The following NCK2 variants were observed in gnomAD, a reference collection of about 807,000 sequenced individuals.
The protein encoded by NCK2 is NCK adaptor protein 2.
NCK2 carries 16 observed loss-of-function variants against 33.9 expected under a neutral mutation model. The observed-to-expected ratio is 0.47, with a 90% CI of 0.32 to 0.72. NCK2 has a LOEUF of 0.72. Among genes scored for constraint, NCK2 ranks in the 30% least tolerant of loss-of-function variants. The pLI, the probability that NCK2 is intolerant of heterozygous loss-of-function variation, is 0.03. For synonymous variants in NCK2, 273 were observed against 239.9 expected (o/e 1.14, Z -1.27); for missense variants, 418 against 537.3 (o/e 0.78, Z 2.19).
At chr2:105,802,729 A>T (rs894058688) in intron 1 of NCK2, among the ~76,000 whole-genome samples, 10 of 152,212 alleles carry the variant, frequency 6.6e-5, no homozygotes, top group Admixed American at 5.9e-4. Flanking sequence ...CCCACCTCCA[A>T]CACTGGGGAT....
chr2:105,810,930 C>T (rs1314829403), intron 1 of NCK2, among the ~76,000 whole-genome samples: 1 of 152,108 alleles, frequency 6.6e-6, no homozygotes, highest in Non-Finnish European at 1.5e-5. Context: ...AATCTCAGCA[C>T]TTTGGGAGGC....
chr2:105,854,365 T>C (rs1677177661), intron 2 of NCK2: 2 of 152,342 alleles, frequency 1.3e-5, no homozygotes, highest in South Asian at 4.1e-4. Flanking sequence ...TGGGGAATAA[T>C]TTTATATTTA....
In NCK2 at chr2:105,870,863, A is replaced by G. The variant is rs138187761; in HGVS notation, c.227-10465A>G. On this transcript the variant is annotated intron_variant, in intron 3 of 4. Coordinates refer to ENST00000233154, the MANE Select transcript of NCK2 (RefSeq NM_003581.5). ...CACAGAGCCACCAGACACAGCCAGT[A>G]ACAGCGGTGCTTTCACCCTAGGAGC... Among the ~76,000 whole-genome samples the G allele has an allele frequency of 4.2e-3, 646 of 152,304 alleles. 2 individuals carry two copies. Among genetic ancestry groups the G allele is most frequent in the African/African-American group, 0.014 (587 of 41,560 alleles).
chr2:105,878,912 C>T (rs1193501416), intron 3 of NCK2, among the ~76,000 whole-genome samples: 1 of 152,208 alleles, frequency 6.6e-6, no homozygotes, highest in East Asian at 1.9e-4. Flanking sequence ...TCATTTCACC[C>T]CTCACCAAAG....
rs537880842 is a variant in NCK2 at position 105,786,370 on chromosome 2, GA to G, written c.-200-30059del. Among the ~76,000 whole-genome samples, 684 of 152,366 alleles carry G rather than the reference GA, an allele frequency of 4.5e-3. 11 individuals carry two copies. Among genetic ancestry groups the G allele is most frequent in the Non-Finnish European group, 2.3e-3 (155 of 68,040 alleles). On this transcript the variant is annotated intron_variant, in intron 1 of 4. Transcript: ENST00000233154. ...GGGAACGGCCAGTGGGCAGGCTGGG[GA>G]CAGGATGGGAGTTCGGGAAGGCTGG...
intron 2 of NCK2, among the ~76,000 whole-genome samples, chr2:105,832,631 C>T (rs550026006): frequency 4.1e-4 from 62 of 150,600 alleles, no homozygotes; most frequent in African/African-American, 1.4e-3. Context: ...CACATCCTTG[C>T]ATTTCTGGAA....
At chr2:105,871,425 G>A (rs1028169295) in intron 3 of NCK2, among the ~76,000 whole-genome samples, 2 of 152,102 alleles carry the variant, frequency 1.3e-5, no homozygotes, top group Non-Finnish European at 2.9e-5. Flanking sequence ...GTTTCCTCAT[G>A]GGCTGTGTTG....
chr2:105,874,456 A>G (rs1009872683), intron 3 of NCK2, among the ~76,000 whole-genome samples: 3 of 152,258 alleles, frequency 2.0e-5, no homozygotes, highest in Admixed American at 6.5e-5. Context: ...GGAAACCCCC[A>G]CAGATCAATA....
At chr2:105,773,471 C>T (rs1690201854) in intron 1 of NCK2, among the ~76,000 whole-genome samples, 3 of 152,078 alleles carry the variant, frequency 2.0e-5, no homozygotes, top group Admixed American at 6.6e-5. Flanking sequence ...ATCACCACTG[C>T]ACCTGGAACC....
intron 2 of NCK2, among the ~76,000 whole-genome samples, chr2:105,821,656 G>A (rs1244727345): frequency 1.3e-5 from 2 of 152,106 alleles, no homozygotes; most frequent in Admixed American, 6.5e-5. Context: ...TGTAATCTAT[G>A]GGGTCATCGT....
chr2:105,892,627 C>T (rs922841743), intron 4 of NCK2, among the ~76,000 whole-genome samples: 1 of 151,836 alleles, frequency 6.6e-6, no homozygotes, highest in African/African-American at 2.4e-5. Flanking sequence ...GTGGGGATCA[C>T]CTGAGGTCAG....
intron 1 of NCK2, among the ~76,000 whole-genome samples, chr2:105,813,240 C>G (rs1675356867): frequency 6.6e-6 from 1 of 152,192 alleles, no homozygotes; most frequent in Admixed American, 6.5e-5. Context: ...AGAACATGTT[C>G]TTCTCCCAGC....
chr2:105,803,661 G>A (rs189354436), intron 1 of NCK2, among the ~76,000 whole-genome samples: 2 of 152,272 alleles, frequency 1.3e-5, no homozygotes, highest in Non-Finnish European at 2.9e-5. Context: ...TTCACACCCA[G>A]GTTAGTCGTC....
chr2:105,856,936 C>T (rs1459882479), intron 3 of NCK2: 5 of 151,964 alleles, frequency 3.3e-5, no homozygotes, highest in Admixed American at 6.6e-5. Context: ...GAAGGTTGTC[C>T]TGAGCTTTAT....
intron 4 of NCK2, among the ~76,000 whole-genome samples, chr2:105,888,494 C>G (rs1678808795): frequency 6.6e-6 from 1 of 152,092 alleles, no homozygotes; most frequent in South Asian, 2.1e-4. Context: ...GTTTCAAAAC[C>G]CGGGGACTGA....
At chr2:105,793,185 G>A (rs1442331238) in intron 1 of NCK2, among the ~76,000 whole-genome samples, 1 of 152,160 alleles carries the variant, frequency 6.6e-6, no homozygotes, top group Non-Finnish European at 1.5e-5. Flanking sequence ...GAAGGGATTG[G>A]GCATTAAAAG....
chr2:105,875,580 G>A (rs1678203441), intron 3 of NCK2, among the ~76,000 whole-genome samples: 1 of 152,140 alleles, frequency 6.6e-6, no homozygotes, highest in East Asian at 1.9e-4. Flanking sequence ...CCTCATGAAT[G>A]GGATTCGTGC....
chr2:105,889,466 G>T (rs1031732865), intron 4 of NCK2, among the ~76,000 whole-genome samples: 2 of 152,160 alleles, frequency 1.3e-5, no homozygotes, highest in African/African-American at 4.8e-5. Flanking sequence ...CCCCTGAAGG[G>T]CTTATTAAAA....
intron 1 of NCK2, among the ~76,000 whole-genome samples, chr2:105,770,108 A>G (rs1006732433): frequency 2.1e-5 from 3 of 144,714 alleles, no homozygotes; most frequent in Non-Finnish European, 4.5e-5. Flanking sequence ...TTCATGTAAC[A>G]TAAAGCACTA....
Sources: gnomAD v4.1 joint callset for allele counts (sites outside exome capture counted in the v4.1 genomes callset) on GRCh38, gnomAD v4.1.1 for gene constraint, MANE v1.5 for transcripts, NCBI Gene and HGNC (gene_info 2026-07-23, HGNC 2026-07-21) for gene names.